The following NRXN3 variants were observed in gnomAD, a reference collection of about 807,000 sequenced individuals.
NRXN3 encodes the protein neurexin 3.
In NRXN3, 32 loss-of-function variants were observed where a neutral mutation model predicts 137.6. The ratio of observed to expected loss-of-function variants is 0.23; its 90% CI spans 0.18 to 0.31. NRXN3 has a LOEUF of 0.31. Ranked by LOEUF, NRXN3 falls within the 10% of genes least tolerant of loss-of-function variation. NRXN3 has a pLI of 1.00. For missense variants in NRXN3, 1,574 were observed against 2,062.5 expected, an observed-to-expected ratio of 0.76 and a Z score of 4.59; for synonymous variants, 798 against 784.5, an observed-to-expected ratio of 1.02 and a Z score of -0.29.
At chr14:79,202,593 C>G (rs1004262629) in intron 15 of NRXN3, among the ~76,000 whole-genome samples, 4 of 152,124 alleles carry the variant, frequency 2.6e-5, no homozygotes, top group African/African-American at 9.7e-5. Context: ...TTTGCGTCCT[C>G]ATAGCTTAGT....
chr14:78,599,520 A>G (rs1324581816), intron 4 of NRXN3, among the ~76,000 whole-genome samples: 1 of 152,168 alleles, frequency 6.6e-6, no homozygotes, highest in African/African-American at 2.4e-5. Flanking sequence ...GTTCTACAAA[A>G]TCCAAACTTA....
intron 3 of NRXN3, among the ~76,000 whole-genome samples, chr14:78,280,122 C>G (rs1159719841): frequency 2.0e-5 from 3 of 152,054 alleles, no homozygotes; most frequent in Non-Finnish European, 4.4e-5. Flanking sequence ...TATTTATGTT[C>G]CAGGAACTGT....
intron 19 of NRXN3, among the ~76,000 whole-genome samples, chr14:79,777,389 T>A (rs1226727574): frequency 6.6e-6 from 1 of 151,854 alleles, no homozygotes; most frequent in African/African-American, 2.4e-5. Context: ...CTAAAATCCA[T>A]CTGAGTTGGG....
intron 8 of NRXN3, among the ~76,000 whole-genome samples, chr14:78,786,505 C>T (rs1197418571): frequency 2.0e-5 from 3 of 152,098 alleles, no homozygotes; most frequent in East Asian, 3.8e-4. Flanking sequence ...TGAGATTTCT[C>T]TTTATTAATT....
intron 6 of NRXN3, among the ~76,000 whole-genome samples, chr14:78,694,089 G>A (rs867904610): frequency 6.6e-6 from 1 of 151,914 alleles, no homozygotes; most frequent in Middle Eastern, 3.4e-3. Context: ...ATTTCTGATT[G>A]CCCCTTCCCT....
At chr14:79,582,998 A>T (rs1368245719) in intron 16 of NRXN3, among the ~76,000 whole-genome samples, 1 of 152,254 alleles carries the variant, frequency 6.6e-6, no homozygotes, top group Non-Finnish European at 1.5e-5. Flanking sequence ...GTTTAAAAGC[A>T]AATACACAGC....
At chr14:79,829,552 C>T (rs80006329) in intron 20 of NRXN3, among the ~76,000 whole-genome samples, 3,088 of 152,248 alleles carry the variant, frequency 0.02, 105 homozygotes, top group African/African-American at 0.068. Flanking sequence ...CCATCAAGGT[C>T]AATAGCAGCA....
At chr14:79,133,905 G>A (rs1389472820) in intron 15 of NRXN3, among the ~76,000 whole-genome samples, 12 of 150,238 alleles carry the variant, frequency 8.0e-5, no homozygotes, top group African/African-American at 2.9e-4. Flanking sequence ...CTCCAGCTTG[G>A]GCGACAGAGC....
In NRXN3 at chr14:79,806,938, T is replaced by TTATATATATA. The variant is rs1296037210; in HGVS notation, c.4093+1764_4093+1773dup. Among the ~76,000 whole-genome samples the TTATATATATA allele has an allele frequency of 7.1e-3, 410 of 58,040 alleles. 4 individuals carry two copies. The highest frequency in any genetic ancestry group is 9.3e-3 in the African/African-American group (113 of 12,150). 38.1% of individuals were successfully genotyped at this position (58,040 alleles called of 152,430 possible). ...CCTTTAAGAAATCTAGGCTTTAATT[T>TTATATATATA]TATATATATATATATATATATATAT... is the stretch of plus-strand genomic sequence containing the variant. On this transcript the variant is annotated intron_variant, in intron 20 of 20. Coordinates refer to ENST00000335750, the MANE Select transcript of NRXN3 (RefSeq NM_001330195.2).
chr14:78,655,535 G>C (rs2097777852), intron 6 of NRXN3, among the ~76,000 whole-genome samples: 1 of 151,918 alleles, frequency 6.6e-6, no homozygotes, highest in South Asian at 2.1e-4. Context: ...TTTGTTTTTT[G>C]CCTTTGGTCA....
chr14:79,565,969 A>G (rs972516689), intron 16 of NRXN3, among the ~76,000 whole-genome samples: 2 of 152,136 alleles, frequency 1.3e-5, no homozygotes, highest in Non-Finnish European at 2.9e-5. Flanking sequence ...CACAGAATAC[A>G]ATCACTTTAA....
chr14:78,304,290 ATTC>A (rs1291619194), intron 4 of NRXN3, among the ~76,000 whole-genome samples: 1 of 152,224 alleles, frequency 6.6e-6, no homozygotes, highest in Non-Finnish European at 1.5e-5. Context: ...TCTTGAATTT[ATTC>A]TTAGACATTT....
At chr14:78,825,002 A>G (rs150590) in intron 10 of NRXN3, among the ~76,000 whole-genome samples, 1 of 152,044 alleles carries the variant, frequency 6.6e-6, no homozygotes, top group African/African-American at 2.4e-5. Flanking sequence ...TTTTCCCTAA[A>G]TAGTGGTTGT....
intron 19 of NRXN3, among the ~76,000 whole-genome samples, chr14:79,764,734 G>T (rs2099050454): frequency 1.3e-5 from 2 of 152,108 alleles, no homozygotes; most frequent in Non-Finnish European, 2.9e-5. Context: ...CTGATGGCCA[G>T]GCTGCTCTGG....
intron 10 of NRXN3, among the ~76,000 whole-genome samples, chr14:78,925,761 C>T (rs2099287203): frequency 6.6e-6 from 1 of 152,128 alleles, no homozygotes; most frequent in African/African-American, 2.4e-5. Context: ...GGCCAGTCCT[C>T]ATAAAAACCC....
intron 4 of NRXN3, among the ~76,000 whole-genome samples, chr14:78,488,724 G>A (rs2095609417): frequency 6.7e-6 from 1 of 150,284 alleles, no homozygotes; most frequent in African/African-American, 2.5e-5. Flanking sequence ...GGAGAAATAA[G>A]GCAAAAGAAG....
At chr14:79,371,364 T>C (rs1173811124) in intron 15 of NRXN3, among the ~76,000 whole-genome samples, 4 of 152,182 alleles carry the variant, frequency 2.6e-5, no homozygotes, top group African/African-American at 4.8e-5. Context: ...GTAGGCTATT[T>C]CTTTTAGGTG....
chr14:79,646,597 T>C (rs2098454373), intron 16 of NRXN3, among the ~76,000 whole-genome samples: 1 of 134,936 alleles, frequency 7.4e-6, no homozygotes, highest in African/African-American at 2.5e-5. Flanking sequence ...CCCGAAAATG[T>C]ACCAACCTCC....
Position 79,867,250 on chromosome 14 carries a change from A to G in NRXN3, c.*5286A>G, listed in dbSNP as rs1221222334. The G allele has an allele frequency of 6.6e-6, 1 of 152,198 alleles. No individual in the cohort carries two copies. Among genetic ancestry groups the G allele is most frequent in the Non-Finnish European group, 1.5e-5 (1 of 68,040 alleles). The allele number at this position is 152,198 out of a possible 1,614,324, so 9.4% of individuals were successfully genotyped here. ...TTTCTACTTTTTCCAGAAGCATTTGAAGTGGAAGCTAAGGCAGGAAATGAG... is the reference window on the plus strand; with the variant it reads ...TTTCTACTTTTTCCAGAAGCATTTGGAGTGGAAGCTAAGGCAGGAAATGAG... On this transcript the variant is annotated 3_prime_UTR_variant, in exon 21 of 21. Transcript: ENST00000335750.
Sources: allele counts gnomAD v4.1 joint callset (sites outside exome capture counted in the v4.1 genomes callset), GRCh38; gene constraint gnomAD v4.1.1; transcripts MANE v1.5; gene names NCBI Gene and HGNC (gene_info 2026-07-23, HGNC 2026-07-21).